Variants in NELL1 observed in about 807,000 individuals in gnomAD.
NELL1 encodes the protein neural EGFL like 1.
Under a neutral mutation model 107.4 loss-of-function variants are expected in NELL1, and 76 were observed. That is an observed-to-expected ratio of 0.71 (90% CI 0.59 to 0.86). The LOEUF (loss-of-function observed/expected upper bound fraction) is 0.86. NELL1 is among the 40% of genes least tolerant of loss of function. The pLI is 0.00. For synonymous variants in NELL1, 353 were observed against 341.2 expected, an observed-to-expected ratio of 1.03 and a Z score of -0.38; for missense variants, 1,024 against 1,005.5, an observed-to-expected ratio of 1.02 and a Z score of -0.25.
chr11:21,012,383 A>G (rs997753878), intron 12 of NELL1, among the ~76,000 whole-genome samples: 13 of 152,018 alleles, frequency 8.6e-5, no homozygotes, highest in African/African-American at 3.1e-4. Context: ...CTCCCCAGTT[A>G]GGGCCATTGT....
At chr11:21,008,682 A>T (rs72939971) in intron 12 of NELL1, among the ~76,000 whole-genome samples, 11,822 of 152,056 alleles carry the variant, frequency 0.078, 512 homozygotes, top group Middle Eastern at 0.14. Context: ...ACCTATACCC[A>T]TCCTCACATG....
chr11:21,194,628 A>T (rs1260846804), intron 13 of NELL1, among the ~76,000 whole-genome samples: 1 of 152,176 alleles, frequency 6.6e-6, no homozygotes, highest in African/African-American at 2.4e-5. Context: ...TTGGGAACTT[A>T]TTAGAAATCC....
intron 14 of NELL1, among the ~76,000 whole-genome samples, chr11:21,302,060 C>T (rs1391050037): frequency 6.6e-6 from 1 of 151,998 alleles, no homozygotes; most frequent in Non-Finnish European, 1.5e-5. Flanking sequence ...TCATCTTCTC[C>T]TCTGTTTTAG....
chr11:20,956,672 C>A (rs1287596533), intron 11 of NELL1, among the ~76,000 whole-genome samples: 1 of 151,588 alleles, frequency 6.6e-6, no homozygotes, highest in Non-Finnish European at 1.5e-5. Context: ...AATTACTAAT[C>A]TCATCCGTTC....
intron 14 of NELL1, among the ~76,000 whole-genome samples, chr11:21,293,270 G>A (rs781305180): frequency 4.6e-5 from 7 of 152,244 alleles, no homozygotes; most frequent in Non-Finnish European, 8.8e-5. Context: ...CAAAAAGTGG[G>A]TGAAGGATAT....
At chr11:21,205,952 C>A (rs1486397424) in intron 13 of NELL1, among the ~76,000 whole-genome samples, 1 of 152,068 alleles carries the variant, frequency 6.6e-6, no homozygotes, top group East Asian at 1.9e-4. Flanking sequence ...TTCCCTCTAT[C>A]TTTTAGGGTA....
At chr11:20,846,977 GA>G (rs1848711927) in intron 3 of NELL1, among the ~76,000 whole-genome samples, 1 of 152,092 alleles carries the variant, frequency 6.6e-6, no homozygotes, top group Admixed American at 6.5e-5. Context: ...TCCTGGAAAA[GA>G]AAAAACTTAA....
At chr11:21,570,155 G>A (rs553964332) in intron 17 of NELL1, among the ~76,000 whole-genome samples, 82 of 151,896 alleles carry the variant, frequency 5.4e-4, no homozygotes, top group Non-Finnish European at 1.0e-3. Context: ...GGTGGAAAGA[G>A]GCACCTTATT....
intron 12 of NELL1, among the ~76,000 whole-genome samples, chr11:21,079,474 ATAG>A (rs1854214968): frequency 6.6e-6 from 1 of 152,082 alleles, no homozygotes; most frequent in Non-Finnish European, 1.5e-5. Flanking sequence ...ACCAACAATG[ATAG>A]TAGAAAACAC....
chr11:21,348,085 G>A lies in NELL1; in HGVS notation c.1550-22768G>A, dbSNP rs149640918. Among the ~76,000 whole-genome samples, 285 of 141,526 alleles carry A rather than the reference G, an allele frequency of 2.0e-3. 3 individuals carry two copies. Among genetic ancestry groups the A allele is most frequent in the African/African-American group, 4.4e-3 (174 of 39,224 alleles). The allele number at this position is 141,526 out of a possible 152,430, so 92.8% of individuals were successfully genotyped here. A position where few individuals can be genotyped will look rare whatever the true frequency, so the allele number is the denominator to read the frequency against. On this transcript the variant is annotated intron_variant, in intron 14 of 19. Coordinates refer to ENST00000357134, the MANE Select transcript of NELL1 (RefSeq NM_006157.5). The stretch of plus-strand genomic sequence containing the variant: ...CCAAGACAGGGTGAATTATTGTTGT[G>A]CAACTTGGGTTGCAATGTCTTCCAG...
intron 11 of NELL1, among the ~76,000 whole-genome samples, chr11:20,956,307 T>A (rs1014506596): frequency 2.0e-5 from 3 of 152,138 alleles, no homozygotes; most frequent in African/African-American, 7.2e-5. Context: ...GAACCCTGTA[T>A]AACAACTCAT....
intron 14 of NELL1, among the ~76,000 whole-genome samples, chr11:21,261,216 G>T (rs1221539411): frequency 1.3e-5 from 2 of 150,742 alleles, no homozygotes; most frequent in African/African-American, 4.9e-5. Context: ...TTTATTTCAA[G>T]GTCAGGGGTA....
At chr11:21,020,578 TCTC>T (rs2134301262) in intron 12 of NELL1, among the ~76,000 whole-genome samples, 1 of 152,054 alleles carries the variant, frequency 6.6e-6, no homozygotes, top group East Asian at 1.9e-4. Flanking sequence ...AGTAGAAACT[TCTC>T]CTTATTAGCC....
intron 4 of NELL1, among the ~76,000 whole-genome samples, chr11:20,859,675 T>C (rs1564937334): frequency 6.6e-6 from 1 of 152,220 alleles, no homozygotes; most frequent in Non-Finnish European, 1.5e-5. Flanking sequence ...CATTATAAAC[T>C]ACTGGTGGTG....
At chr11:20,865,677 C>T (rs998022870) in intron 4 of NELL1, among the ~76,000 whole-genome samples, 3 of 152,104 alleles carry the variant, frequency 2.0e-5, no homozygotes, top group Non-Finnish European at 4.4e-5. Context: ...GACTGAAAGC[C>T]ACAGGCCCTA....
intron 5 of NELL1, among the ~76,000 whole-genome samples, chr11:20,905,111 A>G (rs955256097): frequency 7.3e-5 from 11 of 151,448 alleles, no homozygotes; most frequent in African/African-American, 2.7e-4. Flanking sequence ...GAGTGTTGGG[A>G]TTACAGGTGT....
rs574606148 is a variant in NELL1, at chr11:20,755,865, G to GTTTTTT, written c.185-27777_185-27772dup. On this transcript the variant is annotated intron_variant, in intron 2 of 19. Coordinates refer to ENST00000357134, the MANE Select transcript of NELL1 (RefSeq NM_006157.5). The stretch of plus-strand genomic sequence containing the variant: ...GCCACCACGCCCAGCCAGACCTGCG[G>GTTTTTT]TTTTTTTTTTTTTTTTTTTTTTTTT... Among the ~76,000 whole-genome samples the GTTTTTT allele has an allele frequency of 1.5e-3, 177 of 122,052 alleles. 4 individuals are homozygous for GTTTTTT. The highest frequency in any genetic ancestry group is 2.0e-3 in the Non-Finnish European group (119 of 59,436). The allele number at this position is 122,052 out of a possible 152,430, so 80.1% of individuals were successfully genotyped here.
At position 21,055,021 on chromosome 11, in the gene NELL1, A is replaced by C. The variant is rs564378603; in HGVS notation, c.1301-58568A>C. Reference sequence around the variant, plus strand: ...TTTTATAGTTTAATTTTAAAGAATTAATTGTTTAGTTGTGGCTTACCTTGC... The same window carrying C: ...TTTTATAGTTTAATTTTAAAGAATTCATTGTTTAGTTGTGGCTTACCTTGC... On this transcript the variant is annotated intron_variant, in intron 12 of 19. Coordinates refer to ENST00000357134, the MANE Select transcript of NELL1 (RefSeq NM_006157.5). 5.3e-5 allele frequency among the ~76,000 whole-genome samples: 8 copies of C among 152,096 alleles called. No homozygotes were observed. In the South Asian group the frequency reaches 1.0e-3, roughly 20 times the overall value.
At chr11:21,094,016 T>C (rs2133693308) in intron 12 of NELL1, among the ~76,000 whole-genome samples, 1 of 152,280 alleles carries the variant, frequency 6.6e-6, no homozygotes, top group South Asian at 2.1e-4. Context: ...AAGTCCACAG[T>C]CGAAAGTCTC....
Sources: allele counts gnomAD v4.1 joint callset (sites outside exome capture counted in the v4.1 genomes callset), GRCh38; gene constraint gnomAD v4.1.1; transcripts MANE v1.5; gene names NCBI Gene and HGNC (gene_info 2026-07-23, HGNC 2026-07-21).